LIPC: variants seen among roughly 807,000 people sequenced by gnomAD.
LIPC encodes lipase C, hepatic type.
Under a neutral mutation model 50.7 loss-of-function variants are expected in LIPC, and 44 were observed. The ratio of observed to expected loss-of-function variants is 0.87; its 90% CI spans 0.68 to 1.11. The LOEUF is 1.11. LIPC is among the 50% of genes most tolerant of loss of function. The pLI is 0.00. For synonymous variants in LIPC, 271 were observed against 256.4 expected, an observed-to-expected ratio of 1.06 and a Z score of -0.54; for missense variants, 697 against 648.2, an observed-to-expected ratio of 1.08 and a Z score of -0.82.
At chr15:58,489,773 C>T (rs777540372) in intron 1 of LIPC, among the ~76,000 whole-genome samples, 9 of 152,156 alleles carry the variant, frequency 5.9e-5, no homozygotes, top group Non-Finnish European at 1.2e-4. Flanking sequence ...TAATCCTGAC[C>T]TTCTGGCCTT....
intron 1 of LIPC, among the ~76,000 whole-genome samples, chr15:58,529,726 TAGA>T (rs1892901851): frequency 6.6e-6 from 1 of 152,088 alleles, no homozygotes; most frequent in Non-Finnish European, 1.5e-5. Context: ...TCCAGCACAG[TAGA>T]AGGATGCTGG....
chr15:58,559,632 G>A (rs911464605), intron 6 of LIPC, among the ~76,000 whole-genome samples: 9 of 151,356 alleles, frequency 5.9e-5, no homozygotes, highest in African/African-American at 2.2e-4. Context: ...AGAGAGCTCA[G>A]GAGGTCAAGG....
chr15:58,515,551 T>TATATATATATATATATATATATATATA (rs1892460766), intron 1 of LIPC, among the ~76,000 whole-genome samples: 1 of 151,030 alleles, frequency 6.6e-6, no homozygotes, highest in African/African-American at 2.4e-5. Context: ...TATATATATA[T>TATATATATATATATATATATATATATA]ATCTCAAAAT....
chr15:58,437,827 G>C (rs1243047926), intron 1 of LIPC, among the ~76,000 whole-genome samples: 1 of 152,168 alleles, frequency 6.6e-6, no homozygotes, highest in Non-Finnish European at 1.5e-5. Context: ...CCAGCCCCCA[G>C]CATTCCAGGG....
rs34225435 is a variant in LIPC at position 58,471,134 on chromosome 15, C to CTT, written c.88+39033_88+39034dup. ...AAGTAGGATTTTTTTTTTCTTTTCT[C>CTT]TTTTTTTTTTTTTTTTTTTTGAGAT... is the stretch of plus-strand genomic sequence containing the variant. On this transcript the variant is annotated intron_variant, in intron 1 of 8. Coordinates refer to ENST00000299022, the MANE Select transcript of LIPC (RefSeq NM_000236.3). Among the ~76,000 whole-genome samples, 461 of 114,618 alleles carry CTT rather than the reference C, an allele frequency of 4.0e-3. 7 individuals are homozygous for CTT. Among genetic ancestry groups the CTT allele is most frequent in the African/African-American group, 7.8e-3 (230 of 29,520 alleles). The allele number at this position is 114,618 out of a possible 152,430, so 75.2% of individuals were successfully genotyped here.
intron 1 of LIPC, among the ~76,000 whole-genome samples, chr15:58,446,268 C>A (rs1301926552): frequency 6.6e-6 from 1 of 152,122 alleles, no homozygotes; most frequent in Non-Finnish European, 1.5e-5. Flanking sequence ...GTGGTATGAT[C>A]TTGGCTCACT....
intron 1 of LIPC, among the ~76,000 whole-genome samples, chr15:58,452,927 G>A (rs1223596152): frequency 6.6e-6 from 1 of 152,236 alleles, no homozygotes; most frequent in Non-Finnish European, 1.5e-5. Flanking sequence ...CTTGGCCTGT[G>A]AAGATGTGGA....
chr15:58,451,182 G>A (rs1893887461), intron 1 of LIPC, among the ~76,000 whole-genome samples: 1 of 152,190 alleles, frequency 6.6e-6, no homozygotes, highest in South Asian at 2.1e-4. Flanking sequence ...TTGGGAGGCT[G>A]TTGCTGAGAC....
intron 1 of LIPC, among the ~76,000 whole-genome samples, chr15:58,434,493 G>A (rs532218844): frequency 6.6e-6 from 1 of 152,330 alleles, no homozygotes; most frequent in South Asian, 2.1e-4. Context: ...TCAGGGCAGA[G>A]CAGGGAGAGG....
At chr15:58,537,447 G>T (rs1408619785) in intron 1 of LIPC, among the ~76,000 whole-genome samples, 1 of 152,194 alleles carries the variant, frequency 6.6e-6, no homozygotes, top group East Asian at 1.9e-4. Context: ...GCCTTGGAAA[G>T]CCTCCGAATG....
intron 1 of LIPC, among the ~76,000 whole-genome samples, chr15:58,487,418 A>G (rs915131130): frequency 1.3e-4 from 20 of 152,260 alleles, no homozygotes; most frequent in African/African-American, 4.8e-4. Context: ...TATTATTTTT[A>G]GTGGTGGTAA....
At chr15:58,471,081 A>T (rs562814282) in intron 1 of LIPC, among the ~76,000 whole-genome samples, 20 of 150,864 alleles carry the variant, frequency 1.3e-4, no homozygotes, top group African/African-American at 4.9e-4. Context: ...GACATACCCA[A>T]TGACCTAAGG....
chr15:58,535,088 A>G (rs1216592204), intron 1 of LIPC, among the ~76,000 whole-genome samples: 1 of 152,180 alleles, frequency 6.6e-6, no homozygotes, highest in Non-Finnish European at 1.5e-5. Context: ...TGAGCTCTTA[A>G]AGAGTCTTTC....
intron 1 of LIPC, among the ~76,000 whole-genome samples, chr15:58,479,058 GA>G (rs1891098439): frequency 6.6e-6 from 1 of 152,114 alleles, no homozygotes; most frequent in African/African-American, 2.4e-5. Context: ...GTCTTCTATC[GA>G]GGACTGCTTT....
intron 1 of LIPC, among the ~76,000 whole-genome samples, chr15:58,451,858 A>G (rs1893911163): frequency 6.6e-6 from 1 of 152,172 alleles, no homozygotes; most frequent in African/African-American, 2.4e-5. Context: ...CCCCGCTAGA[A>G]GGTGGGCTAT....
intron 1 of LIPC, among the ~76,000 whole-genome samples, chr15:58,471,548 G>A (rs1368157842): frequency 6.6e-6 from 1 of 152,164 alleles, no homozygotes; most frequent in Admixed American, 6.5e-5. Flanking sequence ...GTGACAGAAT[G>A]CTGTAATCCA....
chr15:58,450,243 G>A, intron 1 of LIPC, among the ~76,000 whole-genome samples: 1 of 152,342 alleles, frequency 6.6e-6, no homozygotes, highest in Middle Eastern at 3.4e-3. Context: ...TCTCAAACTT[G>A]AGTGTGCATC....
chr15:58,564,681 C>T (rs756297553), intron 8 of LIPC, among the ~76,000 whole-genome samples: 3 of 152,038 alleles, frequency 2.0e-5, no homozygotes, highest in Admixed American at 1.3e-4. Context: ...TAGCCGAGAT[C>T]GCGGCATTGC....
At chr15:58,503,619 C>A (rs1363438272) in intron 1 of LIPC, among the ~76,000 whole-genome samples, 1 of 152,258 alleles carries the variant, frequency 6.6e-6, no homozygotes, top group African/African-American at 2.4e-5. Context: ...AATTCACCAA[C>A]TCACTCCAGG....
Sources: gnomAD v4.1 joint callset for allele counts (sites outside exome capture counted in the v4.1 genomes callset) on GRCh38, gnomAD v4.1.1 for gene constraint, MANE v1.5 for transcripts, NCBI Gene and HGNC (gene_info 2026-07-23, HGNC 2026-07-21) for gene names.